Variants in SVOP observed in about 807,000 individuals in gnomAD.
The protein encoded by SVOP is SV2 related protein, also known as synaptic vesicle 2-related protein.
In SVOP, 17 loss-of-function variants were observed where a neutral mutation model predicts 69.1. The observed-to-expected ratio is 0.25, with a 90% confidence interval of 0.17 to 0.37. The LOEUF (loss-of-function observed/expected upper bound fraction) is 0.37, where lower values mean the gene tolerates loss of function less well. Ranked by LOEUF, SVOP falls within the 10% of genes least tolerant of loss-of-function variation. The pLI is 1.00. For missense variants in SVOP, 435 were observed against 597.5 expected (o/e 0.73, Z 2.84); for synonymous variants, 238 against 238.6 (o/e 1.00, Z 0.02).
chr12:108,976,281 C>CA (rs1038263852), intron 4 of SVOP, among the ~76,000 whole-genome samples: 4 of 152,222 alleles, frequency 2.6e-5, no homozygotes, highest in Admixed American at 2.0e-4. Flanking sequence ...CAGACTGGGC[C>CA]ATGCTGTGTG....
Position 108,977,431 on chromosome 12 carries a change from C to G in SVOP, c.348G>C (p.Arg116Ser), listed in dbSNP as rs781259273. ...GCAATGCCACCTGCCAGCTTGGGAG[C>G]CTCCACTCGCAATGCAGCTGTGGTG... ...ILAPQLHCEWRLPSWQVALLT... is the reference protein window; with the variant it reads ...ILAPQLHCEWSLPSWQVALLT... Residue 116 changes from arginine to serine, a missense_variant, in exon 4 of 16, where the codon AGG becomes AGC. Physicochemically the swap from Arg to Ser is moderately radical, Grantham distance 110. Coordinates refer to ENST00000610966, the MANE Select transcript of SVOP (RefSeq NM_018711.5). The G allele has an allele frequency of 2.8e-5, 43 of 1,537,116 alleles. No homozygotes were observed. The African/African-American group carries it at 5.3e-4, about 19-fold the overall frequency.
At position 108,912,260 on chromosome 12, in the gene SVOP, C is replaced by A; in HGVS notation, c.*275G>T. 1 of 1,335,130 alleles carries A rather than the reference C, an allele frequency of 7.5e-7. No homozygotes were observed. Among genetic ancestry groups the A allele is most frequent in the Non-Finnish European group, 9.6e-7 (1 of 1,041,384 alleles). The allele number at this position is 1,335,130 out of a possible 1,614,324, so 82.7% of individuals were successfully genotyped here. A position where few individuals can be genotyped will look rare whatever the true frequency, so the allele number is the denominator to read the frequency against. ...GATTGGTTGCTGGCATTACCAGACC[C>A]TCCTAATATGGGTAGTCTTCCCATG... On this transcript the variant is annotated 3_prime_UTR_variant, in exon 16 of 16. Coordinates refer to ENST00000610966, the MANE Select transcript of SVOP (RefSeq NM_018711.5).
At chr12:108,918,147 T>C (rs1431341448) in intron 13 of SVOP, 23 bp from the exon 14 acceptor site, 11 of 1,536,858 alleles carry the variant, frequency 7.2e-6, no homozygotes, top group Admixed American at 4.1e-5. Flanking sequence ...TAAAGGCAGA[T>C]GATGGCATTT....
intron 1 of SVOP, among the ~76,000 whole-genome samples, chr12:108,989,507 T>A (rs1350812542): frequency 6.6e-6 from 1 of 152,120 alleles, no homozygotes. Context: ...CACAGGGAGC[T>A]CTGAAGTGTG....
chr12:108,914,768 G>A (rs1478144499), intron 15 of SVOP, among the ~76,000 whole-genome samples: 1 of 151,588 alleles, frequency 6.6e-6, no homozygotes, highest in Non-Finnish European at 1.5e-5. Context: ...ATGTTGGCCA[G>A]GCTGGTCTCG....
chr12:108,919,149 C>A lies in SVOP; in HGVS notation c.1268+526G>T, dbSNP rs535636236. 3.3e-5 allele frequency among the ~76,000 whole-genome samples: 5 copies of A among 151,344 alleles called. No individual in the cohort carries two copies. The East Asian group carries it at 7.9e-4, about 24-fold the overall frequency. ...CTGCACCCATACTTGGGCCAATACC[C>A]ACACCTGGGCCTCACCCACACTTGT... On this transcript the variant is annotated intron_variant, in intron 13 of 15. Transcript: ENST00000610966.
At chr12:108,963,800 C>T (rs377426249) in intron 5 of SVOP, among the ~76,000 whole-genome samples, 2 of 152,284 alleles carry the variant, frequency 1.3e-5, no homozygotes, top group East Asian at 3.9e-4. Context: ...AGCCACCACA[C>T]CCAGCCAACA....
intron 2 of SVOP, among the ~76,000 whole-genome samples, chr12:108,980,049 G>A (rs970007753): frequency 0.32 from 48,540 of 151,646 alleles, 8,153 homozygotes; most frequent in African/African-American, 0.41. Flanking sequence ...TGTGGCTCAC[G>A]CCTATGGTCC....
intron 6 of SVOP, among the ~76,000 whole-genome samples, chr12:108,946,503 T>A (rs946502850): frequency 3.3e-5 from 5 of 152,012 alleles, no homozygotes; most frequent in Admixed American, 2.0e-4. Flanking sequence ...TATCTGTCTA[T>A]CCATTTAATC....
chr12:108,979,408 T>G (rs2040124895), intron 2 of SVOP, among the ~76,000 whole-genome samples: 1 of 151,978 alleles, frequency 6.6e-6, no homozygotes, highest in African/African-American at 2.4e-5. Context: ...CCCAGCTATT[T>G]TTTTTCTATT....
intron 11 of SVOP, among the ~76,000 whole-genome samples, chr12:108,928,158 C>T (rs1461424672): frequency 1.3e-5 from 2 of 152,162 alleles, no homozygotes; most frequent in Admixed American, 6.5e-5. Flanking sequence ...CCTGCCTCAG[C>T]CTCCCAAAGT....
Position 108,977,399 on chromosome 12 carries a change from G to C in SVOP, c.380C>G (p.Ser127Trp). The change falls in exon 4 of 16, where the codon TCG becomes TGG. Residue 127 changes from serine to tryptophan, a missense_variant and splice_region_variant. Ser to Trp is a radical substitution (Grantham distance 177). Transcript: ENST00000610966. ...GAAGGGAGCTGCTGGGCTGCCTACCGAGGTCAGCAATGCCACCTGCCAGCT... is the reference window on the plus strand; with the variant it reads ...GAAGGGAGCTGCTGGGCTGCCTACCCAGGTCAGCAATGCCACCTGCCAGCT... ...LPSWQVALLTSVVFVGMMSSS... is the reference protein window; with the variant it reads ...LPSWQVALLTWVVFVGMMSSS... 1 of 1,537,012 alleles carries C rather than the reference G, an allele frequency of 6.5e-7. No homozygotes were observed. The highest frequency in any genetic ancestry group is 8.7e-7 in the Non-Finnish European group (1 of 1,146,854).
At chr12:108,977,879 G>T (rs972913644) in intron 3 of SVOP, among the ~76,000 whole-genome samples, 8 of 152,170 alleles carry the variant, frequency 5.3e-5, no homozygotes, top group African/African-American at 1.9e-4. Flanking sequence ...TAGGTCATTT[G>T]TTCATGTAGA....
chr12:108,984,205 A>G (rs1363881465), intron 1 of SVOP, among the ~76,000 whole-genome samples: 1 of 152,204 alleles, frequency 6.6e-6, no homozygotes, highest in African/African-American at 2.4e-5. Context: ...TAGAATAGAG[A>G]CAAGGTTTCA....
chr12:108,977,264 G>A, intron 4 of SVOP, 134 bp downstream of exon 4: 1 of 1,101,402 alleles, frequency 9.1e-7, no homozygotes, highest in Non-Finnish European at 1.3e-6. Context: ...GTGAGGTGGG[G>A]ATGGGACAGT....
chr12:109,017,843 C>T (rs2040376300), intron 1 of SVOP, among the ~76,000 whole-genome samples: 1 of 151,938 alleles, frequency 6.6e-6, no homozygotes. Flanking sequence ...TGCACCTGGC[C>T]ACATATTTTC....
chr12:108,921,779 C>G (rs550582657), intron 12 of SVOP, among the ~76,000 whole-genome samples: 1 of 152,260 alleles, frequency 6.6e-6, no homozygotes, highest in African/African-American at 2.4e-5. Flanking sequence ...ACAGTTTCTG[C>G]TACACTGGGC....
intron 6 of SVOP, among the ~76,000 whole-genome samples, chr12:108,948,408 A>G (rs2039936492): frequency 6.6e-6 from 1 of 152,184 alleles, no homozygotes; most frequent in Non-Finnish European, 1.5e-5. Context: ...ATTTAGACAA[A>G]GTTCTATCAT....
chr12:108,992,914 G>C (rs1417827905), intron 1 of SVOP, among the ~76,000 whole-genome samples: 3 of 152,200 alleles, frequency 2.0e-5, no homozygotes, highest in African/African-American at 7.2e-5. Flanking sequence ...AATAGAGCCA[G>C]ACATGGTGGG....
Sources: gnomAD v4.1 joint callset for allele counts (sites outside exome capture counted in the v4.1 genomes callset) on GRCh38, gnomAD v4.1.1 for gene constraint, MANE v1.5 for transcripts, NCBI Gene and HGNC (gene_info 2026-07-23, HGNC 2026-07-21) for gene names.